The following AMMECR1 variants were observed in gnomAD, a reference collection of about 807,000 sequenced individuals.
AMMECR1 encodes AMMECR nuclear protein 1, also known as nuclear protein AMMECR1.
Under a neutral mutation model 22.5 loss-of-function variants are expected in AMMECR1, and 3 were observed. The observed-to-expected ratio is 0.13, with a 90% CI of 0.06 to 0.35. AMMECR1 has a LOEUF of 0.35. AMMECR1 is among the 10% of genes least tolerant of loss of function. AMMECR1 has a pLI of 1.00. For synonymous variants in AMMECR1, 130 were observed against 116.7 expected (o/e 1.11, Z -0.74); for missense variants, 235 against 278.7 (o/e 0.84, Z 1.12).
intron 2 of AMMECR1, among the ~76,000 whole-genome samples, chrX:110,326,866 G>A (rs180988772): frequency 1.3e-3 from 140 of 111,546 alleles, no homozygotes; most frequent in Non-Finnish European, 2.1e-3. Flanking sequence ...AGGTGGTGGC[G>A]GTTAAGATAA....
At chrX:110,418,919 C>T (rs886166139) in intron 2 of AMMECR1, 1 of 109,657 alleles carries the variant, frequency 9.1e-6, no homozygotes, top group Non-Finnish European at 1.9e-5. Context: ...TTTACACACA[C>T]AGGCAGCAGC....
intron 2 of AMMECR1, among the ~76,000 whole-genome samples, chrX:110,388,092 C>T (rs1280738395): frequency 9.0e-6 from 1 of 110,882 alleles, no homozygotes; most frequent in Non-Finnish European, 1.9e-5. Flanking sequence ...TGGTCTCGAT[C>T]TCCTGACCTC....
chrX:110,434,459 G>A (rs1034528114), intron 1 of AMMECR1, among the ~76,000 whole-genome samples: 1 of 111,453 alleles, frequency 9.0e-6, no homozygotes, highest in African/African-American at 3.3e-5. Context: ...TCTGAACCAC[G>A]ACCGTGGCAG....
intron 2 of AMMECR1, chrX:110,219,547 A>C: frequency 2.7e-6 from 2 of 748,867 alleles, no homozygotes; most frequent in African/African-American, 2.3e-5. Flanking sequence ...CTAAAACATA[A>C]GTGAAGATCA....
At chrX:110,273,030 T>G (rs994408326) in intron 1 of AMMECR1, among the ~76,000 whole-genome samples, 2 of 112,183 alleles carry the variant, frequency 1.8e-5, no homozygotes, top group South Asian at 7.4e-4. Flanking sequence ...AGATACCCAG[T>G]AGTGGGATTG....
In AMMECR1 at chrX:110,394,193, TTTAA is replaced by T. The variant is rs756313262; in HGVS notation, c.-148+32461_-148+32464del. 1.3e-4 allele frequency among the ~76,000 whole-genome samples: 15 copies of T among 113,054 alleles called. No homozygotes were observed. The East Asian group carries it at 3.1e-3, about 23-fold the overall frequency. The stretch of plus-strand genomic sequence containing the variant: ...GTGTAGCTCACACTTATTGTTAATG[TTTAA>T]TTAACTTATTAATGTTTAATATTAG... On this transcript the variant is annotated intron_variant, in intron 2 of 7. Transcript: ENST00000372057.
chrX:110,273,292 G>A (rs2067809078), intron 1 of AMMECR1, among the ~76,000 whole-genome samples: 1 of 111,685 alleles, frequency 9.0e-6, no homozygotes, highest in Non-Finnish European at 1.9e-5. Context: ...CTTGCTGGCT[G>A]CTTGTATGTC....
At chrX:110,373,700 A>C (rs1482567632) in intron 2 of AMMECR1, among the ~76,000 whole-genome samples, 1 of 112,295 alleles carries the variant, frequency 8.9e-6, no homozygotes, top group East Asian at 2.8e-4. Context: ...CATGTATGAA[A>C]GAACTTTAAA....
chrX:110,410,154 T>C (rs970457032), intron 2 of AMMECR1, among the ~76,000 whole-genome samples: 1 of 111,367 alleles, frequency 9.0e-6, no homozygotes, highest in African/African-American at 3.3e-5. Flanking sequence ...TCGCCTCGGG[T>C]CACAGAGCAA....
chrX:110,235,875 A>G (rs181258955), intron 2 of AMMECR1, among the ~76,000 whole-genome samples: 433 of 111,569 alleles, frequency 3.9e-3, no homozygotes, highest in Non-Finnish European at 6.9e-3. Context: ...TGATGAGTTG[A>G]TGGTGCAGCA....
chrX:110,340,250 A>T (rs763951700), intron 2 of AMMECR1, among the ~76,000 whole-genome samples: 1 of 112,056 alleles, frequency 8.9e-6, no homozygotes, highest in African/African-American at 3.2e-5. Flanking sequence ...AGTTCCTGAC[A>T]TACGGTAAAC....
intron 2 of AMMECR1, among the ~76,000 whole-genome samples, chrX:110,223,938 T>A (rs779892075): frequency 1.4e-4 from 16 of 112,019 alleles, no homozygotes; most frequent in Admixed American, 1.0e-3. Context: ...TTTGGGCAAG[T>A]CTCTTAATCT....
chrX:110,407,198 A>C (rs906664752), intron 2 of AMMECR1, among the ~76,000 whole-genome samples: 1 of 112,398 alleles, frequency 8.9e-6, no homozygotes, highest in Non-Finnish European at 1.9e-5. Context: ...GGTTTGCTCA[A>C]TGCTACATAA....
At chrX:110,416,790 A>G (rs1406751799) in intron 2 of AMMECR1, among the ~76,000 whole-genome samples, 7 of 112,202 alleles carry the variant, frequency 6.2e-5, no homozygotes, top group Admixed American at 4.7e-4. Flanking sequence ...CTATAGCAAG[A>G]CTAGCTTAGA....
intron 1 of AMMECR1, among the ~76,000 whole-genome samples, chrX:110,306,221 G>C (rs990403421): frequency 9.2e-6 from 1 of 108,134 alleles, no homozygotes; most frequent in East Asian, 2.9e-4. Context: ...TGTGAACCCG[G>C]AGGCAGAGCT....
intron 2 of AMMECR1, among the ~76,000 whole-genome samples, chrX:110,407,205 A>G (rs1356987417): frequency 8.9e-6 from 1 of 112,463 alleles, no homozygotes; most frequent in Non-Finnish European, 1.9e-5. Flanking sequence ...TCAATGCTAC[A>G]TAAAAGATTT....
Position 110,305,837 on chromosome X carries a change from G to A in AMMECR1, c.473+11762C>T, listed in dbSNP as rs763548541. 3.7e-3 allele frequency among the ~76,000 whole-genome samples: 403 copies of A among 110,326 alleles called. 2 individuals are homozygous for A. The highest frequency in any genetic ancestry group is 0.013 in the African/African-American group (388 of 30,297). On this transcript the variant is annotated intron_variant, in intron 1 of 5. Transcript: ENST00000262844. ...ACTGAAAATTAAAAAAAAAAAATCA[G>A]CTGGGCATGGTGGCACACACCTGTA...
At chrX:110,219,372 G>A (rs1299133535) in intron 2 of AMMECR1, 8 of 751,955 alleles carry the variant, frequency 1.1e-5, no homozygotes, top group East Asian at 1.5e-4. Context: ...CCTAGCTCTA[G>A]CTTTTTCATT....
chrX:110,351,714 C>T (rs1373167908), intron 2 of AMMECR1, among the ~76,000 whole-genome samples: 1 of 111,541 alleles, frequency 9.0e-6, no homozygotes, highest in Non-Finnish European at 1.9e-5. Context: ...CCAAAAAACA[C>T]AAGCAATAAG....
Sources: gnomAD v4.1 joint callset for allele counts (sites outside exome capture counted in the v4.1 genomes callset) on GRCh38, gnomAD v4.1.1 for gene constraint, MANE v1.5 for transcripts, NCBI Gene and HGNC (gene_info 2026-07-23, HGNC 2026-07-21) for gene names.